Variants in YY1AP1 observed in about 807,000 individuals in gnomAD.
YY1AP1 encodes the protein YY1-associated protein 1.
A neutral mutation model predicts 39.9 loss-of-function variants in YY1AP1; 43 were observed. The ratio of observed to expected loss-of-function variants is 1.08; its 90% CI spans 0.84 to 1.39. The LOEUF is 1.39. Among genes scored for constraint, YY1AP1 ranks in the 40% most tolerant of loss-of-function variants. The probability of loss-of-function intolerance (pLI) is 0.00; values close to 1 mark genes in which losing one functional copy is unlikely to be tolerated. For synonymous variants in YY1AP1, 292 were observed against 331.3 expected, an observed-to-expected ratio of 0.88 and a Z score of 1.29; for missense variants, 813 against 900.7, an observed-to-expected ratio of 0.90 and a Z score of 1.25.
Position 155,659,492 on chromosome 1 carries a change from T to C in YY1AP1, c.*165A>G. ...GCACAGATTTATTGAAGCAAAAGTA[T>C]ATTCCACAGAGTGGGAGCAGGCTAA... On this transcript the variant is annotated 3_prime_UTR_variant, in exon 11 of 11. Transcript: ENST00000355499. 1 of 682,792 alleles carries C rather than the reference T, an allele frequency of 1.5e-6. No individual in the cohort carries two copies. Among genetic ancestry groups the C allele is most frequent in the East Asian group, 2.5e-5 (1 of 40,196 alleles). The allele number at this position is 682,792 out of a possible 1,614,324, so 42.3% of individuals were successfully genotyped here.
At chr1:155,688,013 G>T (rs192716649) in intron 2 of YY1AP1, 58 bp downstream of exon 2, 311 of 1,508,302 alleles carry the variant, frequency 2.1e-4, no homozygotes, top group Non-Finnish European at 2.6e-4. Flanking sequence ...GAAAGCCCAG[G>T]ATTCAATCGC....
At chr1:155,676,213 C>T (rs1650646355) in intron 5 of YY1AP1, among the ~76,000 whole-genome samples, 1 of 150,410 alleles carries the variant, frequency 6.6e-6, no homozygotes, top group Non-Finnish European at 1.5e-5. Context: ...CAGAGCGAGA[C>T]TACGTCTCAA....
chr1:155,673,159 G>C (rs982295736), intron 6 of YY1AP1, among the ~76,000 whole-genome samples: 2 of 151,854 alleles, frequency 1.3e-5, no homozygotes, highest in African/African-American at 2.4e-5. Flanking sequence ...GGGACTATAG[G>C]CATACACCTC....
chr1:155,675,181 G>T, intron 5 of YY1AP1, 85 bp from the exon 6 acceptor site: 12 of 1,282,260 alleles, frequency 9.4e-6, no homozygotes, highest in Non-Finnish European at 1.2e-5. Flanking sequence ...TCCCCCTGGA[G>T]ACAGGGTCTT....
intron 8 of YY1AP1, among the ~76,000 whole-genome samples, chr1:155,670,082 G>T (rs567459853): frequency 6.6e-6 from 1 of 152,162 alleles, no homozygotes; most frequent in South Asian, 2.1e-4. Context: ...CAAAGTGCTG[G>T]GATTACAGGT....
At chr1:155,661,252 T>C in intron 10 of YY1AP1, 55 bp downstream of exon 10, 1 of 1,613,952 alleles carries the variant, frequency 6.2e-7, no homozygotes, top group South Asian at 1.1e-5. Flanking sequence ...TGATATTCTC[T>C]CAGAACTTTC....
chr1:155,661,227 G>A (rs1230368903), intron 10 of YY1AP1, 80 bp downstream of exon 10: 58 of 1,613,730 alleles, frequency 3.6e-5, no homozygotes, highest in African/African-American at 5.3e-5. Context: ...AGCATTAGAC[G>A]ATTAAGGAAG....
At chr1:155,674,971 T>C (rs1650426525) in intron 6 of YY1AP1, 39 bp downstream of exon 6, 1 of 1,541,754 alleles carries the variant, frequency 6.5e-7, no homozygotes, top group African/African-American at 1.4e-5. Context: ...GCTAATTTTA[T>C]ATTCTAGTCT....
chr1:155,678,338 C>T (rs912611707), intron 4 of YY1AP1, among the ~76,000 whole-genome samples: 3 of 152,188 alleles, frequency 2.0e-5, no homozygotes, highest in Non-Finnish European at 4.4e-5. Context: ...TGATATATGA[C>T]TATATTCCAT....
In YY1AP1 at chr1:155,680,519, A is replaced by G. The variant is rs1237917789; in HGVS notation, c.-20-63T>C. 2.2e-6 allele frequency: 3 copies of G among 1,349,514 alleles called. No individual in the cohort carries two copies. In the African/African-American group the frequency reaches 4.3e-5, roughly 19 times the overall value. The allele number at this position is 1,349,514 out of a possible 1,614,324, so 83.6% of individuals were successfully genotyped here. On this transcript the variant is annotated intron_variant, in intron 2 of 10. Transcript: ENST00000355499. ...TCATTTTACAATATGGAGGAATTCC[A>G]TGTAGACAATGTATGATGTTTTCAA...
At chr1:155,675,244 T>C (rs1650472181) in intron 5 of YY1AP1, 148 bp from the exon 6 acceptor site, 1 of 606,694 alleles carries the variant, frequency 1.6e-6, no homozygotes, top group East Asian at 3.2e-5. Flanking sequence ...CAATGCCCTC[T>C]CAACCACCTG....
chr1:155,677,712 G>A (rs768799653), intron 4 of YY1AP1, among the ~76,000 whole-genome samples: 50 of 152,158 alleles, frequency 3.3e-4, no homozygotes, highest in Admixed American at 2.3e-3. Context: ...CCTGAAGACC[G>A]TGGGACTGTC....
At chr1:155,679,824 G>T in intron 3 of YY1AP1, 1 of 1,195,598 alleles carries the variant, frequency 8.4e-7, no homozygotes, top group South Asian at 1.8e-5. Flanking sequence ...AATTATTTGT[G>T]TGCAAAATAC....
intron 6 of YY1AP1, among the ~76,000 whole-genome samples, chr1:155,673,278 T>C: frequency 6.6e-6 from 1 of 152,034 alleles, no homozygotes; most frequent in East Asian, 1.9e-4. Flanking sequence ...CCTCTCATAG[T>C]GCTGGGATTA....
Position 155,688,693 on chromosome 1 carries a change from C to G in YY1AP1, c.-186G>C. On this transcript the variant is annotated 5_prime_UTR_variant, in exon 1 of 11. Coordinates refer to ENST00000355499, the MANE Select transcript of YY1AP1 (RefSeq NM_139119.3). ...CGCGAGCCCAAGCCTTCTCCACCTC[C>G]TCTTCTCTCCTCCCCCTCCCTCCCC... 6.6e-7 allele frequency: 1 copy of G among 1,525,278 alleles called. No homozygotes were observed. The highest frequency in any genetic ancestry group is 8.7e-7 in the Non-Finnish European group (1 of 1,143,648). The allele number at this position is 1,525,278 out of a possible 1,614,324, so 94.5% of individuals were successfully genotyped here.
At chr1:155,680,518 C>T (rs977265639) in intron 2 of YY1AP1, 62 bp from the exon 3 acceptor site, 1 of 1,387,656 alleles carries the variant, frequency 7.2e-7, no homozygotes, top group African/African-American at 1.4e-5. Flanking sequence ...GGAGGAATTC[C>T]ATGTAGACAA....
At position 155,668,622 on chromosome 1, in the gene YY1AP1, C is replaced by T. The variant is rs1333276442; in HGVS notation, c.879+5G>A. 1.2e-6 allele frequency: 2 copies of T among 1,614,112 alleles called. No homozygotes were observed. Among genetic ancestry groups the T allele is most frequent in the Non-Finnish European group, 1.7e-6 (2 of 1,180,000 alleles). ...GCCTGGATAGTGCATGCAGGAAACACTCACTTTAATGATGTTGTCAGGAGC... is the reference window on the plus strand; with the variant it reads ...GCCTGGATAGTGCATGCAGGAAACATTCACTTTAATGATGTTGTCAGGAGC... On this transcript the variant is annotated splice_donor_5th_base_variant and intron_variant, in intron 9 of 10. Transcript: ENST00000355499.
intron 2 of YY1AP1, among the ~76,000 whole-genome samples, chr1:155,686,211 A>G (rs1299208901): frequency 6.6e-6 from 1 of 151,140 alleles, no homozygotes; most frequent in Non-Finnish European, 1.5e-5. Flanking sequence ...AATTTTTTGT[A>G]TTTTTAGTAG....
chr1:155,667,727 C>T (rs372917839), intron 9 of YY1AP1, among the ~76,000 whole-genome samples: 2 of 151,880 alleles, frequency 1.3e-5, no homozygotes, highest in African/African-American at 4.8e-5. Flanking sequence ...GAGGCTGAGG[C>T]AGGAGAATCA....
Sources: gnomAD v4.1 joint callset for allele counts (sites outside exome capture counted in the v4.1 genomes callset) on GRCh38, gnomAD v4.1.1 for gene constraint, MANE v1.5 for transcripts, NCBI Gene and HGNC (gene_info 2026-07-23, HGNC 2026-07-21) for gene names.